OSBPL8: variants seen among roughly 807,000 people sequenced by gnomAD.
OSBPL8 encodes the protein oxysterol-binding protein-related protein 8.
OSBPL8 carries 59 observed loss-of-function variants against 125.5 expected under a neutral mutation model. The observed-to-expected ratio is 0.47, with a 90% CI of 0.38 to 0.58. The LOEUF (loss-of-function observed/expected upper bound fraction) is 0.58, where lower values mean the gene tolerates loss of function less well. OSBPL8 is among the 20% of genes least tolerant of loss of function. The pLI is 0.00. For synonymous variants in OSBPL8, 330 were observed against 338.9 expected (o/e 0.97, Z 0.29); for missense variants, 758 against 1,047.8 (o/e 0.72, Z 3.82).
chr12:76,521,988 A>G (rs1882101067), intron 1 of OSBPL8, among the ~76,000 whole-genome samples: 1 of 152,232 alleles, frequency 6.6e-6, no homozygotes, highest in African/African-American at 2.4e-5. Flanking sequence ...GGAAAAAAGT[A>G]AATTTTTTGT....
chr12:76,451,024 G>A, intron 3 of OSBPL8, 36 bp from the exon 4 acceptor site: 1 of 1,596,776 alleles, frequency 6.3e-7, no homozygotes, highest in Non-Finnish European at 8.5e-7. Flanking sequence ...TAGTACTGAA[G>A]TCACAGATTT....
At chr12:76,394,771 A>G (rs1953722188) in intron 8 of OSBPL8, 42 bp from the exon 9 acceptor site, 1 of 1,390,226 alleles carries the variant, frequency 7.2e-7, no homozygotes, top group Non-Finnish European at 1.0e-6. Context: ...TAGAGTAATT[A>G]TTATGAGATC....
At chr12:76,394,826 G>T (rs1358046894) in intron 8 of OSBPL8, 97 bp from the exon 9 acceptor site, 2 of 801,476 alleles carry the variant, frequency 2.5e-6, no homozygotes, top group Non-Finnish European at 3.7e-6. Context: ...TCTAAATCAG[G>T]TATGGATTAT....
chr12:76,470,297 A>G (rs1355659870), intron 2 of OSBPL8, among the ~76,000 whole-genome samples: 2 of 152,232 alleles, frequency 1.3e-5, no homozygotes, highest in Non-Finnish European at 2.9e-5. Flanking sequence ...TTGAGCTTTG[A>G]CTTCATTAAC....
intron 19 of OSBPL8, among the ~76,000 whole-genome samples, chr12:76,370,307 A>G (rs1952572750): frequency 6.6e-6 from 1 of 152,322 alleles, no homozygotes; most frequent in South Asian, 2.1e-4. Flanking sequence ...AAGTATTGAT[A>G]TATTTTTTAA....
At chr12:76,379,477 G>T (rs769812534) in intron 15 of OSBPL8, among the ~76,000 whole-genome samples, 18 of 152,126 alleles carry the variant, frequency 1.2e-4, no homozygotes, top group Non-Finnish European at 2.2e-4. Context: ...CCACAATCAA[G>T]ATATAGAACT....
chr12:76,421,248 AT>A (rs1236089030), intron 4 of OSBPL8, among the ~76,000 whole-genome samples: 11 of 152,082 alleles, frequency 7.2e-5, no homozygotes, highest in African/African-American at 2.2e-4. Flanking sequence ...CATTAAAAAA[AT>A]CTCAGTATTT....
At chr12:76,498,374 G>A (rs931656256) in intron 1 of OSBPL8, among the ~76,000 whole-genome samples, 5 of 152,158 alleles carry the variant, frequency 3.3e-5, no homozygotes, top group African/African-American at 1.2e-4. Context: ...TTGAAACTAT[G>A]GATGCAACAC....
At chr12:76,382,753 G>A (rs1225770938) in intron 15 of OSBPL8, among the ~76,000 whole-genome samples, 1 of 151,994 alleles carries the variant, frequency 6.6e-6, no homozygotes, top group Non-Finnish European at 1.5e-5. Context: ...TGTGGTGGTG[G>A]GTGCCTGTAA....
chr12:76,510,296 T>C (rs575199130), intron 1 of OSBPL8, among the ~76,000 whole-genome samples: 13 of 152,240 alleles, frequency 8.5e-5, no homozygotes, highest in South Asian at 4.1e-4. Context: ...CAAAGAAAAA[T>C]GTACTAAAGG....
At chr12:76,491,255 A>G (rs1023063339) in intron 1 of OSBPL8, among the ~76,000 whole-genome samples, 2 of 152,216 alleles carry the variant, frequency 1.3e-5, no homozygotes, top group Non-Finnish European at 2.9e-5. Context: ...GAGAGGATTG[A>G]CTTTTTCACT....
chr12:76,497,702 G>T (rs1879423696), intron 1 of OSBPL8, among the ~76,000 whole-genome samples: 1 of 152,196 alleles, frequency 6.6e-6, no homozygotes, highest in Non-Finnish European at 1.5e-5. Flanking sequence ...AGCCTAGGCA[G>T]CTTATGTAAG....
At chr12:76,513,616 G>A (rs930669141) in intron 1 of OSBPL8, among the ~76,000 whole-genome samples, 2 of 151,244 alleles carry the variant, frequency 1.3e-5, no homozygotes, top group Admixed American at 6.6e-5. Context: ...CCTGTGTTGG[G>A]TGCATATAAA....
At chr12:76,367,432 A>G (rs1221675256) in intron 21 of OSBPL8, among the ~76,000 whole-genome samples, 1 of 151,656 alleles carries the variant, frequency 6.6e-6, no homozygotes, top group African/African-American at 2.4e-5. Context: ...CCAAACTTTC[A>G]TTTTTCTCTA....
At chr12:76,464,111 C>CA (rs1417826151) in intron 2 of OSBPL8, among the ~76,000 whole-genome samples, 1 of 152,204 alleles carries the variant, frequency 6.6e-6, no homozygotes, top group Non-Finnish European at 1.5e-5. Flanking sequence ...AACAGCTTCT[C>CA]AGTTTATTCA....
chr12:76,413,896 G>A (rs376926651), intron 4 of OSBPL8, among the ~76,000 whole-genome samples: 2 of 152,028 alleles, frequency 1.3e-5, no homozygotes, highest in East Asian at 3.9e-4. Context: ...CTTTTTACAG[G>A]CTATGTGGTT....
At chr12:76,487,054 G>A (rs569940542) in intron 2 of OSBPL8, among the ~76,000 whole-genome samples, 48 of 120,778 alleles carry the variant, frequency 4.0e-4, no homozygotes, top group African/African-American at 1.4e-3. Context: ...TTTAGAGACC[G>A]AGTCTGACTT....
intron 1 of OSBPL8, among the ~76,000 whole-genome samples, chr12:76,539,528 A>C (rs545544515): frequency 6.6e-6 from 1 of 152,342 alleles, no homozygotes; most frequent in South Asian, 2.1e-4. Flanking sequence ...TCAGCAACTT[A>C]AGACACTGAA....
At chr12:76,391,977 C>A (rs188560462) in intron 10 of OSBPL8, among the ~76,000 whole-genome samples, 228 of 152,210 alleles carry the variant, frequency 1.5e-3, no homozygotes, top group African/African-American at 5.2e-3. Context: ...TCCTGCAAAG[C>A]AACAAAAAGA....
Sources: gnomAD v4.1 joint callset for allele counts (sites outside exome capture counted in the v4.1 genomes callset) on GRCh38, gnomAD v4.1.1 for gene constraint, MANE v1.5 for transcripts, NCBI Gene and HGNC (gene_info 2026-07-23, HGNC 2026-07-21) for gene names.